The following LRRC7 variants were observed in gnomAD, a reference collection of about 807,000 sequenced individuals.
The protein encoded by LRRC7 is leucine-rich repeat-containing protein 7.
A neutral mutation model predicts 175.7 loss-of-function variants in LRRC7; 23 were observed. The observed-to-expected ratio is 0.13, with a 90% CI of 0.09 to 0.19. LRRC7 has a LOEUF of 0.19. Ranked by LOEUF, LRRC7 falls within the 10% of genes least tolerant of loss-of-function variation. The pLI is 1.00. For synonymous variants in LRRC7, 685 were observed against 680.9 expected (o/e 1.01, Z -0.09); for missense variants, 1,354 against 1,904.7 (o/e 0.71, Z 5.38).
chr1:69,782,608 G>T (rs1163395475), intron 3 of LRRC7, among the ~76,000 whole-genome samples: 1 of 152,166 alleles, frequency 6.6e-6, no homozygotes, highest in East Asian at 1.9e-4. Flanking sequence ...TATGGATGGA[G>T]AAGGGCCAGG....
chr1:69,949,869 C>G (rs945485646), intron 8 of LRRC7, among the ~76,000 whole-genome samples: 8 of 152,026 alleles, frequency 5.3e-5, no homozygotes, highest in African/African-American at 1.9e-4. Flanking sequence ...TTCTGACATC[C>G]CAGAGGGACT....
At chr1:70,054,850 A>G (rs2102067879) in intron 23 of LRRC7, among the ~76,000 whole-genome samples, 1 of 151,448 alleles carries the variant, frequency 6.6e-6, no homozygotes, top group African/African-American at 2.4e-5. Flanking sequence ...TCAGCCTCCC[A>G]AAGTGCTGGG....
chr1:69,788,804 A>G (rs1328050446), intron 3 of LRRC7, among the ~76,000 whole-genome samples: 4 of 152,176 alleles, frequency 2.6e-5, no homozygotes, highest in African/African-American at 7.2e-5. Flanking sequence ...ATTACAACTG[A>G]TATTTACCCC....
chr1:69,821,676 C>T (rs148813684), intron 4 of LRRC7, among the ~76,000 whole-genome samples: 6,957 of 151,916 alleles, frequency 0.046, 240 homozygotes, highest in East Asian at 0.13. Context: ...GGTGGATTAC[C>T]TGAGGTCAGG....
chr1:70,090,410 A>G (rs1211833449), intron 25 of LRRC7, among the ~76,000 whole-genome samples: 2 of 152,074 alleles, frequency 1.3e-5, no homozygotes, highest in Non-Finnish European at 1.5e-5. Context: ...AAACTATGGA[A>G]TTAAGGCACA....
chr1:69,858,537 C>T (rs1374112048), intron 7 of LRRC7, among the ~76,000 whole-genome samples: 1 of 151,520 alleles, frequency 6.6e-6, no homozygotes, highest in Non-Finnish European at 1.5e-5. Context: ...TCTCTTTTTC[C>T]TTTCTTGTTT....
At chr1:70,076,573 A>G (rs1480705566) in intron 24 of LRRC7, among the ~76,000 whole-genome samples, 3 of 152,122 alleles carry the variant, frequency 2.0e-5, no homozygotes, top group Non-Finnish European at 4.4e-5. Flanking sequence ...TTTCCTACCC[A>G]CTCCTAACTC....
At chr1:69,856,290 C>T (rs890186356) in intron 7 of LRRC7, among the ~76,000 whole-genome samples, 9 of 151,882 alleles carry the variant, frequency 5.9e-5, no homozygotes, top group African/African-American at 2.2e-4. Context: ...GATAGAAACA[C>T]AAAAAACTCT....
chr1:69,830,353 A>G (rs898930388), intron 5 of LRRC7, among the ~76,000 whole-genome samples: 7 of 151,848 alleles, frequency 4.6e-5, no homozygotes. Flanking sequence ...ATTTACTAAT[A>G]GCTGCCTTTT....
intron 23 of LRRC7, among the ~76,000 whole-genome samples, chr1:70,073,880 T>C (rs1018058040): frequency 1.3e-5 from 2 of 152,206 alleles, no homozygotes; most frequent in African/African-American, 4.8e-5. Context: ...GCTATGTAAC[T>C]GGGCATGCCA....
intron 3 of LRRC7, among the ~76,000 whole-genome samples, chr1:69,784,941 C>A (rs931216371): frequency 6.6e-6 from 1 of 151,938 alleles, no homozygotes; most frequent in Non-Finnish European, 1.5e-5. Flanking sequence ...GTTATGAATT[C>A]TCTGGTGTTT....
chr1:69,871,231 A>G (rs990165911), intron 7 of LRRC7, among the ~76,000 whole-genome samples: 1 of 152,086 alleles, frequency 6.6e-6, no homozygotes, highest in Non-Finnish European at 1.5e-5. Context: ...ATGCTGTAAT[A>G]CCTTAAGCTT....
intron 3 of LRRC7, among the ~76,000 whole-genome samples, chr1:69,772,865 C>A (rs1452024110): frequency 6.6e-6 from 1 of 151,846 alleles, no homozygotes; most frequent in Non-Finnish European, 1.5e-5. Flanking sequence ...TCATGAAAGC[C>A]AAGAAAAGAA....
chr1:70,002,813 T>G (rs1655655292), intron 11 of LRRC7, among the ~76,000 whole-genome samples: 1 of 152,216 alleles, frequency 6.6e-6, no homozygotes. Context: ...GTCATTATTT[T>G]ATTAATAGTA....
At chr1:69,995,044 A>G (rs185197097) in intron 11 of LRRC7, among the ~76,000 whole-genome samples, 85 of 152,300 alleles carry the variant, frequency 5.6e-4, no homozygotes, top group Admixed American at 2.0e-4. Context: ...CCATTACACT[A>G]TTAGTAACAT....
chr1:69,664,810 G>A (rs1228793079), intron 1 of LRRC7, among the ~76,000 whole-genome samples: 1 of 152,066 alleles, frequency 6.6e-6, no homozygotes, highest in Non-Finnish European at 1.5e-5. Context: ...TTAACTTGAT[G>A]TGATCCTATT....
intron 1 of LRRC7, among the ~76,000 whole-genome samples, chr1:69,582,489 A>C (rs1557432778): frequency 6.6e-6 from 1 of 152,190 alleles, no homozygotes; most frequent in Non-Finnish European, 1.5e-5. Context: ...GCTGAAGTTC[A>C]ATGAAAGCTT....
chr1:69,614,631 C>T (rs944241781), intron 1 of LRRC7, among the ~76,000 whole-genome samples: 3 of 152,038 alleles, frequency 2.0e-5, no homozygotes, highest in Non-Finnish European at 4.4e-5. Context: ...CCTTAGGCAA[C>T]TTTCATTGTC....
chr1:69,824,573 T>G (rs1358550082), intron 4 of LRRC7, among the ~76,000 whole-genome samples: 2 of 152,040 alleles, frequency 1.3e-5, no homozygotes, highest in Non-Finnish European at 2.9e-5. Flanking sequence ...AAACCCCACT[T>G]TGTACCCCTT....
Sources: gnomAD v4.1 joint callset for allele counts (sites outside exome capture counted in the v4.1 genomes callset) on GRCh38, gnomAD v4.1.1 for gene constraint, MANE v1.5 for transcripts, NCBI Gene and HGNC (gene_info 2026-07-23, HGNC 2026-07-21) for gene names.